The following PTPRT variants were observed in gnomAD, a reference collection of about 807,000 sequenced individuals.
The protein encoded by PTPRT is receptor-type tyrosine-protein phosphatase T.
Under a neutral mutation model 176.8 loss-of-function variants are expected in PTPRT, and 56 were observed. The ratio of observed to expected loss-of-function variants is 0.32; its 90% CI spans 0.26 to 0.40. The LOEUF (loss-of-function observed/expected upper bound fraction) is 0.40, where lower values mean the gene tolerates loss of function less well. Among genes scored for constraint, PTPRT ranks in the 10% least tolerant of loss-of-function variants. PTPRT has a pLI of 1.00. For synonymous variants in PTPRT, 783 were observed against 739.0 expected (o/e 1.06, Z -0.96); for missense variants, 1,540 against 1,908.2 (o/e 0.81, Z 3.60).
intron 7 of PTPRT, among the ~76,000 whole-genome samples, chr20:42,571,680 C>T (rs2073156744): frequency 6.6e-6 from 1 of 152,176 alleles, no homozygotes; most frequent in Admixed American, 6.5e-5. Flanking sequence ...GAGCTCTTGA[C>T]TAGATGTTGC....
chr20:42,949,866 T>C (rs1309231577), intron 1 of PTPRT, among the ~76,000 whole-genome samples: 1 of 152,198 alleles, frequency 6.6e-6, no homozygotes, highest in East Asian at 1.9e-4. Flanking sequence ...GACAAAGTTA[T>C]TGATTTGCCT....
intron 7 of PTPRT, among the ~76,000 whole-genome samples, chr20:42,553,657 C>T (rs1222787936): frequency 6.6e-6 from 1 of 152,056 alleles, no homozygotes; most frequent in African/African-American, 2.4e-5. Context: ...TCTCCCACAC[C>T]GTGACTTTTA....
intron 8 of PTPRT, among the ~76,000 whole-genome samples, chr20:42,471,712 A>G (rs1601086972): frequency 6.6e-6 from 1 of 151,948 alleles, no homozygotes; most frequent in Non-Finnish European, 1.5e-5. Context: ...CTGGAGTGCA[A>G]TGGTGCGATC....
chr20:42,444,542 C>G (rs1441253637), intron 9 of PTPRT, among the ~76,000 whole-genome samples: 3 of 152,140 alleles, frequency 2.0e-5, no homozygotes, highest in Non-Finnish European at 4.4e-5. Context: ...ATCTGAACCA[C>G]TTGGACCTGC....
intron 9 of PTPRT, among the ~76,000 whole-genome samples, chr20:42,373,992 G>A (rs1412846074): frequency 6.6e-6 from 1 of 152,204 alleles, no homozygotes; most frequent in Admixed American, 6.5e-5. Flanking sequence ...CCCTGTTTGG[G>A]AACTGGGGGC....
intron 1 of PTPRT, among the ~76,000 whole-genome samples, chr20:43,096,245 T>C (rs931188435): frequency 2.0e-5 from 3 of 151,978 alleles, no homozygotes; most frequent in Non-Finnish European, 2.9e-5. Context: ...TTCCTCTCTC[T>C]CCGACCCTAT....
At chr20:42,061,921 A>G in the PTPRT span, among the ~76,000 whole-genome samples, 6 of 152,220 alleles carry the variant, frequency 3.9e-5, no homozygotes, top group African/African-American at 7.2e-5. Flanking sequence ...TGAGAGTGAC[A>G]TCAGTTTCTG....
At chr20:42,491,668 G>C (rs947651421) in intron 7 of PTPRT, among the ~76,000 whole-genome samples, 2 of 152,156 alleles carry the variant, frequency 1.3e-5, no homozygotes, top group Admixed American at 6.5e-5. Context: ...TGGAAGCAGA[G>C]AGTGAATCCT....
intron 1 of PTPRT, among the ~76,000 whole-genome samples, chr20:43,079,611 T>C (rs2011382511): frequency 6.6e-6 from 1 of 152,164 alleles, no homozygotes; most frequent in Non-Finnish European, 1.5e-5. Context: ...TTAGGTTAAA[T>C]CCTAGATGTA....
intron 1 of PTPRT, among the ~76,000 whole-genome samples, chr20:43,033,693 T>C (rs893253848): frequency 1.3e-5 from 2 of 152,240 alleles, no homozygotes; most frequent in African/African-American, 2.4e-5. Flanking sequence ...AAGGTAATTT[T>C]ACCTCCAAAT....
chr20:42,538,852 C>A (rs2072524284), intron 7 of PTPRT, among the ~76,000 whole-genome samples: 2 of 152,168 alleles, frequency 1.3e-5, no homozygotes, highest in Non-Finnish European at 2.9e-5. Flanking sequence ...TACTCCCACT[C>A]ATTTCTCCAT....
chr20:42,524,437 T>C (rs2072232945), intron 7 of PTPRT, among the ~76,000 whole-genome samples: 1 of 152,190 alleles, frequency 6.6e-6, no homozygotes, highest in Non-Finnish European at 1.5e-5. Context: ...TCTTTCCTTC[T>C]CTCTTCATTT....
In PTPRT at chr20:42,161,530, C is replaced by A. The variant is rs373191879; in HGVS notation, c.2504G>T (p.Arg835Leu). 1 of 1,607,898 alleles carries A rather than the reference C, an allele frequency of 6.2e-7. No individual in the cohort carries two copies. The highest frequency in any genetic ancestry group is 1.3e-5 in the African/African-American group (1 of 74,878). ...GAGGGTGGGCTGGGAAAGCTCCCCG[C>A]GGCTGCCATCTGCTTCGAAAAGAAG... ...QDVNGFTDGS[R>L]GELSQPTLTI... Residue 835 changes from arginine (R) to leucine (L), a missense_variant, in exon 17 of 31, where the codon CGC (arginine) becomes CTC (leucine). By Grantham distance (102) the Arg-to-Leu change is moderately radical. Transcript: ENST00000373187.
intron 8 of PTPRT, among the ~76,000 whole-genome samples, chr20:42,464,292 A>C (rs1256493899): frequency 6.6e-6 from 1 of 152,226 alleles, no homozygotes; most frequent in East Asian, 1.9e-4. Context: ...TACCAGAGTG[A>C]ACAACACAAA....
chr20:43,010,807 G>A (rs959733512), intron 1 of PTPRT, among the ~76,000 whole-genome samples: 11 of 151,626 alleles, frequency 7.3e-5, no homozygotes, highest in African/African-American at 1.9e-4. Flanking sequence ...GGTTCTTCAC[G>A]TATCAAGGAC....
the PTPRT span, among the ~76,000 whole-genome samples, chr20:42,047,994 T>G: frequency 6.6e-6 from 1 of 152,132 alleles, no homozygotes; most frequent in Non-Finnish European, 1.5e-5. Context: ...ATTTCAAGAT[T>G]CTCCTGACTT....
In PTPRT at chr20:43,188,753, G is replaced by GGGC. The variant is rs1555845650; in HGVS notation, c.88+892_88+893insGCC. Among the ~76,000 whole-genome samples the GGGC allele has an allele frequency of 1.0e-4, 15 of 150,604 alleles. 2 individuals are homozygous for GGGC. The South Asian group carries it at 3.2e-3, about 32-fold the overall frequency. On this transcript the variant is annotated intron_variant, in intron 1 of 30. Coordinates refer to ENST00000373187, the MANE Select transcript of PTPRT (RefSeq NM_007050.6). ...TCTTCCCTCCGCCGCTACTCTTGGG[G>GGGC]GGGGGGGGGCTCGGGGGTGGAAGCT...
At chr20:42,278,539 C>T in intron 13 of PTPRT, among the ~76,000 whole-genome samples, 1 of 151,872 alleles carries the variant, frequency 6.6e-6, no homozygotes, top group East Asian at 1.9e-4. Flanking sequence ...CAGATGAGTA[C>T]AAGAAAGGAG....
intron 1 of PTPRT, among the ~76,000 whole-genome samples, chr20:43,162,534 C>T (rs1468252208): frequency 2.6e-5 from 4 of 152,228 alleles, no homozygotes; most frequent in African/African-American, 9.7e-5. Context: ...CTACTCCGTG[C>T]GGTCCCATCC....
Sources: allele counts gnomAD v4.1 joint callset (sites outside exome capture counted in the v4.1 genomes callset), GRCh38; gene constraint gnomAD v4.1.1; transcripts MANE v1.5; gene names NCBI Gene and HGNC (gene_info 2026-07-23, HGNC 2026-07-21).